The following SNX5 variants were observed in gnomAD, a reference collection of about 807,000 sequenced individuals.
SNX5 encodes the protein sorting nexin 5.
SNX5 carries 31 observed loss-of-function variants against 53.9 expected under a neutral mutation model. The ratio of observed to expected loss-of-function variants is 0.58; its 90% CI spans 0.43 to 0.78. SNX5 has a LOEUF of 0.78. Among genes scored for constraint, SNX5 ranks in the 30% least tolerant of loss-of-function variants. The pLI is 0.00. For missense variants in SNX5, 471 were observed against 478.8 expected, an observed-to-expected ratio of 0.98 and a Z score of 0.15; for synonymous variants, 168 against 171.1, an observed-to-expected ratio of 0.98 and a Z score of 0.14.
intron 11 of SNX5, chr20:17,945,066 A>G (rs922139589): frequency 7.9e-5 from 12 of 152,234 alleles, no homozygotes; most frequent in African/African-American, 2.4e-4. Context: ...TCCTGTCTCT[A>G]CAGTGCTGTG....
chr20:17,947,347 T>G, intron 11 of SNX5, 139 bp downstream of exon 11: 1 of 838,736 alleles, frequency 1.2e-6, no homozygotes. Context: ...ACTGTGCATG[T>G]GCAAGTGATA....
chr20:17,968,083 C>G (rs1037083244), intron 1 of SNX5: 1 of 398,628 alleles, frequency 2.5e-6, no homozygotes, highest in African/African-American at 2.1e-5. Flanking sequence ...AAGAACATTC[C>G]GGGGTCTCCA....
chr20:17,950,297 G>A lies in SNX5; in HGVS notation c.709C>T (p.His237Tyr). 6.2e-7 allele frequency: 1 copy of A among 1,611,752 alleles called. No individual in the cohort carries two copies. Among genetic ancestry groups the A allele is most frequent in the Non-Finnish European group, 8.5e-7 (1 of 1,177,912 alleles). ...CVKADKMTRS[H>Y]KNVADDYIHT... The stretch of plus-strand genomic sequence containing the variant: ...AGCGGTAAATGATATTTACTTTTAT[G>A]AGATCTGGTCATTTTGTCAGCTTTC... Residue 237 changes from histidine (H) to tyrosine (Y), a missense_variant, in exon 7 of 13, where the codon CAT becomes TAT. By Grantham distance (83) the His-to-Tyr change is moderately conservative. Coordinates refer to ENST00000377759, the MANE Select transcript of SNX5 (RefSeq NM_014426.4).
chr20:17,955,552 G>T, intron 2 of SNX5, 77 bp from the exon 3 acceptor site: 1 of 913,550 alleles, frequency 1.1e-6, no homozygotes, highest in Non-Finnish European at 1.8e-6. Context: ...CTACACAGTG[G>T]GAAAATTCTG....
At chr20:17,946,598 T>C (rs1440669088) in intron 11 of SNX5, among the ~76,000 whole-genome samples, 3 of 152,212 alleles carry the variant, frequency 2.0e-5, no homozygotes, top group African/African-American at 7.2e-5. Flanking sequence ...GAAGGCTTTT[T>C]TGTAGTAGGA....
intron 11 of SNX5, chr20:17,943,404 C>T (rs772339262): frequency 4.5e-5 from 24 of 529,098 alleles, no homozygotes; most frequent in Non-Finnish European, 7.8e-5. Flanking sequence ...AAGTGGAAAA[C>T]ATCACTGAAT....
chr20:17,948,947 T>G lies in SNX5; in HGVS notation c.861A>C (p.Glu287Asp). The G allele has an allele frequency of 6.2e-7, 1 of 1,612,476 alleles. No individual in the cohort carries two copies. Among genetic ancestry groups the G allele is most frequent in the South Asian group, 1.1e-5 (1 of 91,004 alleles). Residue 287 changes from glutamate (E) to aspartate (D), a missense_variant, in exon 10 of 13, where the codon GAA becomes GAC. By Grantham distance (45) the Glu-to-Asp change is conservative. Coordinates refer to ENST00000377759, the MANE Select transcript of SNX5 (RefSeq NM_014426.4). Reference protein sequence around the residue: ...RKVEGRVSSDEDLKLTELLRY... With the variant: ...RKVEGRVSSDDDLKLTELLRY... ...GGAGGAGCTCTGTTAGCTTCAAATCTTCATCTGATGAAACTCGACCCTCTA... is the reference window on the plus strand; with the variant it reads ...GGAGGAGCTCTGTTAGCTTCAAATCGTCATCTGATGAAACTCGACCCTCTA...
intron 1 of SNX5, chr20:17,962,823 AACACTGCAG>A (rs770553527): frequency 4.0e-5 from 21 of 519,206 alleles, no homozygotes; most frequent in Admixed American, 9.7e-5. Context: ...TTCACAGTAG[AACACTGCAG>A]ACTGCAGGGC....
At chr20:17,964,188 A>ATGTC (rs1397102927) in intron 1 of SNX5, among the ~76,000 whole-genome samples, 2 of 152,318 alleles carry the variant, frequency 1.3e-5, no homozygotes, top group African/African-American at 4.8e-5. Context: ...TAACAGCACA[A>ATGTC]TGTCCTAGCT....
chr20:17,944,036 G>C (rs2039452514), intron 11 of SNX5: 1 of 152,072 alleles, frequency 6.6e-6, no homozygotes, highest in African/African-American at 2.4e-5. Flanking sequence ...CTCTCATATG[G>C]GACAATGTGG....
At position 17,956,890 on chromosome 20, in the gene SNX5, C is replaced by T. The variant is rs781347993; in HGVS notation, c.156+43G>A. On this transcript the variant is annotated intron_variant, in intron 2 of 12. Transcript: ENST00000377759. Reference sequence around the variant, plus strand: ...CTCACATCCACTGTGAATAACAAGGCTGCAACCTAGCACTGTATGTATTAC... The same window carrying T: ...CTCACATCCACTGTGAATAACAAGGTTGCAACCTAGCACTGTATGTATTAC... 14 of 994,414 alleles carry T rather than the reference C, an allele frequency of 1.4e-5. No homozygotes were observed. In the African/African-American group the frequency reaches 1.6e-4, roughly 11 times the overall value. 61.6% of individuals were successfully genotyped at this position (994,414 alleles called of 1,614,324 possible). A position where few individuals can be genotyped will look rare whatever the true frequency, so the allele number is the denominator to read the frequency against.
At chr20:17,949,225 A>C in intron 8 of SNX5, 122 bp from the exon 9 acceptor site, 1 of 777,364 alleles carries the variant, frequency 1.3e-6, no homozygotes, top group Non-Finnish European at 2.1e-6. Context: ...TTTAGCATTA[A>C]TTTAAAAGTA....
Position 17,955,435 on chromosome 20 carries a change from G to C in SNX5, c.197C>G (p.Thr66Arg). 1 of 1,614,142 alleles carries C rather than the reference G, an allele frequency of 6.2e-7. No individual in the cohort carries two copies. The highest frequency in any genetic ancestry group is 8.5e-7 in the Non-Finnish European group (1 of 1,179,978). Residue 66 changes from threonine to arginine, a missense_variant, in exon 3 of 13, where the codon ACA (threonine) becomes AGA (arginine). Physicochemically the swap from Thr to Arg is moderately conservative, Grantham distance 71. Transcript: ENST00000377759. ...PTFQSPEFSV[T>R]RQHEDFVWLH... ...CCACACAAAGTCTTCATGTTGCCTT[G>C]TAACAGAAAACTCTGGGCTCTGAAA...
chr20:17,950,205 C>G lies in SNX5; in HGVS notation c.718G>C (p.Val240Leu). ...ADKMTRSHKN[V>L]ADDYIHTAAC... ...GCGGTGTGGATATAGTCATCGGCAA[C>G]ATCTGCAGAAACAAGGACAAGTCTT... Residue 240 changes from valine (V) to leucine (L), a missense_variant and splice_region_variant, in exon 8 of 13, where the codon GTT (valine) becomes CTT (leucine). Coordinates refer to ENST00000377759, the MANE Select transcript of SNX5 (RefSeq NM_014426.4). 2.5e-6 allele frequency: 4 copies of G among 1,614,170 alleles called. No homozygotes were observed. In the South Asian group the frequency reaches 4.4e-5, roughly 18 times the overall value.
chr20:17,952,019 C>T (rs540938249), intron 5 of SNX5, among the ~76,000 whole-genome samples: 110 of 152,272 alleles, frequency 7.2e-4, no homozygotes, highest in Non-Finnish European at 1.4e-3. Flanking sequence ...GTCAGGAGAT[C>T]GAGACCATCT....
rs2039427506 is a variant in SNX5, at chr20:17,942,286, G to A, written c.*71C>T. 1.1e-6 allele frequency: 1 copy of A among 935,012 alleles called. No individual in the cohort carries two copies. The highest frequency in any genetic ancestry group is 1.6e-5 in the African/African-American group (1 of 61,464). 57.9% of individuals were successfully genotyped at this position (935,012 alleles called of 1,614,324 possible). A position where few individuals can be genotyped will look rare whatever the true frequency, so the allele number is the denominator to read the frequency against. On this transcript the variant is annotated 3_prime_UTR_variant, in exon 13 of 13. Transcript: ENST00000377759. ...AGTTGAAGCTAATATATCTTCCGTG[G>A]TAATGATTTAAGTGCAAGTGATGCT...
In SNX5 at chr20:17,941,772, T is replaced by C. The variant is rs2039419577; in HGVS notation, c.*585A>G. The C allele has an allele frequency of 6.5e-6, 1 of 152,704 alleles. No individual in the cohort carries two copies. The highest frequency in any genetic ancestry group is 2.1e-4 in the South Asian group (1 of 4,846). 9.5% of individuals were successfully genotyped at this position (152,704 alleles called of 1,614,324 possible). On this transcript the variant is annotated 3_prime_UTR_variant, in exon 13 of 13. Transcript: ENST00000377759. ...CATTATTTGTTTCCATATATACCTG[T>C]AGATATTTCTCTCCCCTCAAATATT...
rs1246970013 is a variant in SNX5 at position 17,943,149 on chromosome 20, ATTCT to A, written c.1121_1124del (p.Lys374IlefsTer2). The A allele has an allele frequency of 1.2e-6, 2 of 1,610,938 alleles. No individual in the cohort carries two copies. Among genetic ancestry groups the A allele is most frequent in the Admixed American group, 1.7e-5 (1 of 59,986 alleles). On this transcript the variant is annotated frameshift_variant, in exon 12 of 13. Coordinates refer to ENST00000377759, the MANE Select transcript of SNX5 (RefSeq NM_014426.4). LOFTEE classifies it high-confidence loss of function. ...TTTCCAGTTCAGACATTTCAATTAG[ATTCT>A]TTCTAAATGCTGCCACTCTCTTCCG... is the stretch of plus-strand genomic sequence containing the variant.
chr20:17,951,535 T>C lies in SNX5; in HGVS notation c.574A>G (p.Lys192Glu). The change falls in exon 6 of 13, where the codon AAA becomes GAA. Residue 192 changes from lysine to glutamate, a missense_variant. By Grantham distance (56) the Lys-to-Glu change is moderately conservative. Coordinates refer to ENST00000377759, the MANE Select transcript of SNX5 (RefSeq NM_014426.4). ...MFGGFFKSVV[K>E]SADEVLFTGV... Reference sequence around the variant, plus strand: ...GTAAAAAGGACTTCATCAGCACTTTTCACCACACTTTTGAAGAAGCCACCA... The same window carrying C: ...GTAAAAAGGACTTCATCAGCACTTTCCACCACACTTTTGAAGAAGCCACCA... 1.2e-6 allele frequency: 2 copies of C among 1,612,336 alleles called. No individual in the cohort carries two copies. The highest frequency in any genetic ancestry group is 1.7e-6 in the Non-Finnish European group (2 of 1,179,808).
Sources: gnomAD v4.1 joint callset for allele counts (sites outside exome capture counted in the v4.1 genomes callset) on GRCh38, gnomAD v4.1.1 for gene constraint, MANE v1.5 for transcripts, NCBI Gene and HGNC (gene_info 2026-07-23, HGNC 2026-07-21) for gene names.